Variants in PAPSS1 observed in about 807,000 individuals in gnomAD.
The protein encoded by PAPSS1 is bifunctional 3'-phosphoadenosine 5'-phosphosulfate synthase 1.
Under a neutral mutation model 72.0 loss-of-function variants are expected in PAPSS1, and 50 were observed. The observed-to-expected ratio is 0.69, with a 90% confidence interval of 0.55 to 0.88. PAPSS1 has a LOEUF of 0.88. Ranked by LOEUF, PAPSS1 falls within the 40% of genes least tolerant of loss-of-function variation. The pLI is 0.00. For missense variants in PAPSS1, 657 were observed against 782.2 expected, an observed-to-expected ratio of 0.84 and a Z score of 1.91; for synonymous variants, 261 against 263.6, an observed-to-expected ratio of 0.99 and a Z score of 0.09.
At chr4:107,643,282 C>A (rs1429417836) in intron 10 of PAPSS1, among the ~76,000 whole-genome samples, 1 of 152,220 alleles carries the variant, frequency 6.6e-6, no homozygotes, top group African/African-American at 2.4e-5. Flanking sequence ...GCAGCTGTCG[C>A]CCCGCTCAGA....
At chr4:107,616,025 GGT>G (rs1217537608) in intron 11 of PAPSS1, among the ~76,000 whole-genome samples, 2 of 151,994 alleles carry the variant, frequency 1.3e-5, no homozygotes, top group Non-Finnish European at 2.9e-5. Context: ...TCCAGGCTGT[GGT>G]ATTTTTTATA....
chr4:107,635,404 A>C (rs1370587308), intron 10 of PAPSS1, among the ~76,000 whole-genome samples: 1 of 152,210 alleles, frequency 6.6e-6, no homozygotes, highest in Non-Finnish European at 1.5e-5. Context: ...CTTAAAATAA[A>C]CTAAAAGAAT....
chr4:107,628,536 G>A (rs766139197), intron 11 of PAPSS1, among the ~76,000 whole-genome samples: 44 of 152,124 alleles, frequency 2.9e-4, no homozygotes, highest in Admixed American at 1.6e-3. Context: ...TGGTTACTAG[G>A]CCATAGTCAA....
At chr4:107,622,423 C>A (rs1725989134) in intron 11 of PAPSS1, among the ~76,000 whole-genome samples, 1 of 152,124 alleles carries the variant, frequency 6.6e-6, no homozygotes, top group Non-Finnish European at 1.5e-5. Flanking sequence ...TTAATGGTGT[C>A]TTATCTATCA....
chr4:107,681,871 C>G (rs35137000), intron 5 of PAPSS1, 144 bp downstream of exon 5: 6,028 of 564,138 alleles, frequency 0.011, 275 homozygotes, highest in African/African-American at 0.1. Context: ...CACTGACATA[C>G]AGACACAGAA....
chr4:107,712,754 T>C (rs961456621), intron 1 of PAPSS1, among the ~76,000 whole-genome samples: 18 of 151,430 alleles, frequency 1.2e-4, no homozygotes, highest in East Asian at 4.0e-4. Context: ...GTGCCTATAA[T>C]CCCAGCTACT....
chr4:107,667,786 T>C (rs2110327796), intron 5 of PAPSS1, among the ~76,000 whole-genome samples: 1 of 152,320 alleles, frequency 6.6e-6, no homozygotes, highest in East Asian at 1.9e-4. Flanking sequence ...AGGCAAAATG[T>C]GCCTCTTTCC....
chr4:107,620,727 A>C (rs185765670), intron 11 of PAPSS1, among the ~76,000 whole-genome samples: 1 of 152,314 alleles, frequency 6.6e-6, no homozygotes, highest in Non-Finnish European at 1.5e-5. Context: ...TATCTGGCCC[A>C]AAAGGCCAAT....
intron 9 of PAPSS1, among the ~76,000 whole-genome samples, chr4:107,646,243 T>C (rs1453638074): frequency 6.6e-6 from 1 of 151,948 alleles, no homozygotes; most frequent in Non-Finnish European, 1.5e-5. Flanking sequence ...TGGTTTTACA[T>C]ATGGACATAA....
At chr4:107,698,393 G>A (rs1450429326) in intron 2 of PAPSS1, among the ~76,000 whole-genome samples, 1 of 152,216 alleles carries the variant, frequency 6.6e-6, no homozygotes, top group Non-Finnish European at 1.5e-5. Context: ...CACATCAGGT[G>A]AATACATATT....
At chr4:107,713,004 G>A (rs1723534736) in intron 1 of PAPSS1, among the ~76,000 whole-genome samples, 2 of 151,058 alleles carry the variant, frequency 1.3e-5, no homozygotes. Context: ...CTGGAGTGCA[G>A]TGGCATGATC....
At chr4:107,622,376 C>A (rs1467540822) in intron 11 of PAPSS1, among the ~76,000 whole-genome samples, 1 of 152,160 alleles carries the variant, frequency 6.6e-6, no homozygotes, top group Non-Finnish European at 1.5e-5. Flanking sequence ...ATAGGTATTG[C>A]TGGGTTTTAT....
intron 5 of PAPSS1, among the ~76,000 whole-genome samples, chr4:107,671,405 C>T (rs1051691434): frequency 2.8e-4 from 42 of 151,530 alleles, no homozygotes; most frequent in Admixed American, 2.4e-3. Context: ...GAGAGAAAGA[C>T]GGGAAGAAGG....
intron 5 of PAPSS1, among the ~76,000 whole-genome samples, chr4:107,680,410 C>T (rs1727775854): frequency 6.6e-6 from 1 of 152,000 alleles, no homozygotes; most frequent in Non-Finnish European, 1.5e-5. Flanking sequence ...AATGGAACAT[C>T]TTTAAAGCAC....
At chr4:107,684,975 G>A (rs781308051) in intron 4 of PAPSS1, among the ~76,000 whole-genome samples, 24 of 151,924 alleles carry the variant, frequency 1.6e-4, no homozygotes, top group East Asian at 7.8e-4. Context: ...GCACAATTTC[G>A]GCTCACTGCA....
At chr4:107,707,249 A>G (rs1174281410) in intron 1 of PAPSS1, among the ~76,000 whole-genome samples, 1 of 152,146 alleles carries the variant, frequency 6.6e-6, no homozygotes, top group Non-Finnish European at 1.5e-5. Flanking sequence ...GAGGGCCTGA[A>G]GCTGGGACAG....
intron 10 of PAPSS1, among the ~76,000 whole-genome samples, chr4:107,642,107 T>C (rs967351129): frequency 2.0e-5 from 3 of 152,150 alleles, no homozygotes. Flanking sequence ...CCCACAACTC[T>C]AGGCTCTGAT....
At chr4:107,705,493 C>T (rs1020718365) in intron 1 of PAPSS1, among the ~76,000 whole-genome samples, 1 of 152,186 alleles carries the variant, frequency 6.6e-6, no homozygotes, top group Admixed American at 6.5e-5. Context: ...TGGGGCGTCC[C>T]CAGTCATGCA....
intron 3 of PAPSS1, among the ~76,000 whole-genome samples, chr4:107,687,584 C>T (rs1281901143): frequency 1.3e-5 from 2 of 152,150 alleles, no homozygotes; most frequent in Admixed American, 6.5e-5. Flanking sequence ...AATCCTGAGG[C>T]TAGTTTACTT....
Sources: gnomAD v4.1 joint callset for allele counts (sites outside exome capture counted in the v4.1 genomes callset) on GRCh38, gnomAD v4.1.1 for gene constraint, MANE v1.5 for transcripts, NCBI Gene and HGNC (gene_info 2026-07-23, HGNC 2026-07-21) for gene names.